The following TSHZ3 variants were observed in gnomAD, a reference collection of about 807,000 sequenced individuals.
TSHZ3 encodes teashirt homolog 3.
TSHZ3 carries 10 observed loss-of-function variants against 64.5 expected under a neutral mutation model. The ratio of observed to expected loss-of-function variants is 0.16; its 90% CI spans 0.10 to 0.26. TSHZ3 has a LOEUF of 0.26. Among genes scored for constraint, TSHZ3 ranks in the 10% least tolerant of loss-of-function variants. The pLI is 1.00. For missense variants in TSHZ3, 1,242 were observed against 1,421.7 expected, an observed-to-expected ratio of 0.87 and a Z score of 2.03; for synonymous variants, 608 against 593.1, an observed-to-expected ratio of 1.03 and a Z score of -0.36.
downstream of TSHZ3, among the ~76,000 whole-genome samples, chr19:31,274,125 T>A (rs1976184959): frequency 6.6e-6 from 1 of 151,880 alleles, no homozygotes; most frequent in African/African-American, 2.4e-5. Flanking sequence ...AAATTTTTAA[T>A]AAAATATGTG....
chr19:31,255,442 A>T (rs1320941791), intron 1 of TSHZ3, among the ~76,000 whole-genome samples: 1 of 151,894 alleles, frequency 6.6e-6, no homozygotes, highest in Non-Finnish European at 1.5e-5. Flanking sequence ...GGCCTGGGGG[A>T]TTTGCGTCTG....
At chr19:31,259,308 A>C (rs1975954446) in intron 1 of TSHZ3, among the ~76,000 whole-genome samples, 2 of 152,176 alleles carry the variant, frequency 1.3e-5, no homozygotes, top group South Asian at 2.1e-4. Flanking sequence ...ATAAAATTAT[A>C]TTAGCGCAAT....
intron 3 of TSHZ3, among the ~76,000 whole-genome samples, chr19:31,228,523 C>T (rs1369190178): frequency 6.6e-5 from 4 of 60,494 alleles, no homozygotes; most frequent in Non-Finnish European, 1.7e-4. Context: ...GAAACCCTGT[C>T]TAAAAAAAAA....
intron 1 of TSHZ3, among the ~76,000 whole-genome samples, chr19:31,246,660 G>A: frequency 6.6e-6 from 1 of 152,050 alleles, no homozygotes; most frequent in African/African-American, 2.4e-5. Flanking sequence ...GAAGGAGAGA[G>A]ATAAAGAAAT....
intron 1 of TSHZ3, among the ~76,000 whole-genome samples, chr19:31,329,945 G>A (rs1917032379): frequency 6.6e-6 from 1 of 151,822 alleles, no homozygotes; most frequent in Non-Finnish European, 1.5e-5. Flanking sequence ...TCATTCTAAT[G>A]GAAAAAAGAG....
At chr19:31,311,889 A>C (rs765268643) in intron 1 of TSHZ3, among the ~76,000 whole-genome samples, 27 of 151,940 alleles carry the variant, frequency 1.8e-4, no homozygotes, top group Non-Finnish European at 3.7e-4. Flanking sequence ...ACGCCTGGCA[A>C]ATTTTTGTAT....
chr19:31,299,918 T>A (rs116214338), intron 1 of TSHZ3, among the ~76,000 whole-genome samples: 160 of 152,318 alleles, frequency 1.1e-3, no homozygotes, highest in African/African-American at 3.7e-3. Flanking sequence ...GTCAAATGCC[T>A]TTCCTTTACA....
intron 1 of TSHZ3, among the ~76,000 whole-genome samples, chr19:31,249,604 C>T (rs1975808178): frequency 6.6e-6 from 1 of 152,192 alleles, no homozygotes; most frequent in Non-Finnish European, 1.5e-5. Flanking sequence ...ATTCCTCAGG[C>T]AGTTTAACTC....
chr19:31,294,280 G>A (rs893427851), intron 1 of TSHZ3, among the ~76,000 whole-genome samples: 2 of 152,016 alleles, frequency 1.3e-5, no homozygotes, highest in African/African-American at 2.4e-5. Context: ...AACACTCAGC[G>A]AATTCTCATC....
rs116775320 is a variant in TSHZ3, at chr19:31,240,480, C to T, written n.550+1789G>A. Among the ~76,000 whole-genome samples the T allele has an allele frequency of 9.1e-3, 1,379 of 152,144 alleles. 26 individuals are homozygous for T. Among genetic ancestry groups the T allele is most frequent in the African/African-American group, 0.031 (1,288 of 41,508 alleles). On this transcript the variant is annotated intron_variant and non_coding_transcript_variant, in intron 3 of 6. Transcript: ENST00000651361. ...ACAGCTACAGTCTCATATTTGTTTC[C>T]GCATTTAATCTGTTGTTATATCATT...
intron 1 of TSHZ3, among the ~76,000 whole-genome samples, chr19:31,323,627 G>A (rs1446652107): frequency 3.9e-5 from 6 of 151,992 alleles, no homozygotes; most frequent in Admixed American, 1.3e-4. Context: ...GCTGGTTTAC[G>A]AATACCCAGA....
chr19:31,255,173 C>T (rs1462218250), intron 1 of TSHZ3, among the ~76,000 whole-genome samples: 1 of 152,148 alleles, frequency 6.6e-6, no homozygotes, highest in East Asian at 1.9e-4. Context: ...ATGGGGAATG[C>T]CAACCAAATT....
chr19:31,194,289 C>A (rs1211103826), intron 5 of TSHZ3, among the ~76,000 whole-genome samples: 1 of 152,180 alleles, frequency 6.6e-6, no homozygotes, highest in African/African-American at 2.4e-5. Flanking sequence ...GGAGAAAAAT[C>A]CCCTCATGCT....
At chr19:31,314,689 T>C (rs1418272406) in intron 1 of TSHZ3, among the ~76,000 whole-genome samples, 2 of 152,260 alleles carry the variant, frequency 1.3e-5, no homozygotes, top group Non-Finnish European at 2.9e-5. Flanking sequence ...ATTACATTAA[T>C]TAACTTTGTA....
At chr19:31,224,778 C>T (rs1451214775) in intron 4 of TSHZ3, among the ~76,000 whole-genome samples, 1 of 152,158 alleles carries the variant, frequency 6.6e-6, no homozygotes, top group African/African-American at 2.4e-5. Context: ...GGGAATCCAC[C>T]AAAATTTTCT....
At chr19:31,334,158 G>A (rs957714012) in intron 1 of TSHZ3, among the ~76,000 whole-genome samples, 5 of 152,048 alleles carry the variant, frequency 3.3e-5, no homozygotes, top group South Asian at 2.1e-4. Context: ...AGGAACCTCC[G>A]TCACTGTCAC....
chr19:31,289,968 C>T (rs1272820776), intron 1 of TSHZ3, among the ~76,000 whole-genome samples: 2 of 151,646 alleles, frequency 1.3e-5, no homozygotes, highest in Non-Finnish European at 3.0e-5. Context: ...ATGGAAGTGC[C>T]TTACACGCTG....
intron 1 of TSHZ3, among the ~76,000 whole-genome samples, chr19:31,264,875 T>C (rs765867376): frequency 2.5e-4 from 38 of 152,196 alleles, no homozygotes; most frequent in Non-Finnish European, 3.4e-4. Context: ...TAGTAAATTC[T>C]GGTCTGCAGC....
At chr19:31,214,265 G>A (rs929399805) in intron 4 of TSHZ3, among the ~76,000 whole-genome samples, 1 of 152,198 alleles carries the variant, frequency 6.6e-6, no homozygotes, top group Non-Finnish European at 1.5e-5. Context: ...AGGGTAACCA[G>A]AGGCTGCATG....
Sources: gnomAD v4.1 joint callset for allele counts (sites outside exome capture counted in the v4.1 genomes callset) on GRCh38, gnomAD v4.1.1 for gene constraint, MANE v1.5 for transcripts, NCBI Gene and HGNC (gene_info 2026-07-23, HGNC 2026-07-21) for gene names.